The following FGD5 variants were observed in gnomAD, a reference collection of about 807,000 sequenced individuals.
The protein encoded by FGD5 is FYVE, RhoGEF and PH domain containing 5, also known as FYVE, RhoGEF and PH domain-containing protein 5.
A neutral mutation model predicts 133.4 loss-of-function variants in FGD5; 28 were observed. The ratio of observed to expected loss-of-function variants is 0.21; its 90% CI spans 0.16 to 0.29. The LOEUF is 0.29. FGD5 is among the 10% of genes least tolerant of loss of function. FGD5 has a pLI of 1.00. For missense variants in FGD5, 1,858 were observed against 1,895.2 expected (o/e 0.98, Z 0.36); for synonymous variants, 810 against 776.5 (o/e 1.04, Z -0.72).
At chr3:14,830,539 T>C (rs148122806) in intron 1 of FGD5, among the ~76,000 whole-genome samples, 11 of 152,328 alleles carry the variant, frequency 7.2e-5, no homozygotes, top group Admixed American at 2.6e-4. Context: ...TTTACCTTCA[T>C]AAAATCAGGG....
At chr3:14,860,600 G>A (rs2125102061) in intron 1 of FGD5, among the ~76,000 whole-genome samples, 1 of 152,280 alleles carries the variant, frequency 6.6e-6, no homozygotes. Context: ...CATCTGTGAG[G>A]TCTGTGCACC....
intron 4 of FGD5, among the ~76,000 whole-genome samples, chr3:14,883,809 G>T (rs1367242138): frequency 6.6e-6 from 1 of 152,186 alleles, no homozygotes; most frequent in Non-Finnish European, 1.5e-5. Flanking sequence ...CTGTAGTTTT[G>T]TGCAGAATCT....
At chr3:14,905,151 T>C (rs1178750408) in intron 9 of FGD5, among the ~76,000 whole-genome samples, 2 of 152,218 alleles carry the variant, frequency 1.3e-5, no homozygotes, top group African/African-American at 2.4e-5. Flanking sequence ...GAAGATATTT[T>C]TCCTGGGTGT....
intron 9 of FGD5, among the ~76,000 whole-genome samples, chr3:14,901,966 C>T (rs1039048828): frequency 1.3e-5 from 2 of 152,022 alleles, no homozygotes; most frequent in African/African-American, 4.8e-5. Context: ...GGGAGGTGGC[C>T]CTTCCAGCCG....
intron 9 of FGD5, among the ~76,000 whole-genome samples, chr3:14,903,088 A>G (rs995376409): frequency 2.0e-5 from 3 of 152,138 alleles, no homozygotes; most frequent in Admixed American, 6.5e-5. Context: ...GTTTGGAGGT[A>G]TTAAGTACAT....
In FGD5 at chr3:14,820,321, T is replaced by TGGA. The variant is rs2125067849; in HGVS notation, c.1259_1261dup (p.Glu420dup). ...GCAGCCCCTGATGTGGTGGTCGTGC[T>TGGA]GGAGGAGGAGGCCTTGGATGATGCA... is the stretch of plus-strand genomic sequence containing the variant. On this transcript the variant is annotated inframe_insertion, in exon 1 of 20. Transcript: ENST00000285046. 2.5e-6 allele frequency: 4 copies of TGGA among 1,609,626 alleles called. No individual in the cohort carries two copies. The highest frequency in any genetic ancestry group is 1.1e-5 in the South Asian group (1 of 90,472).
At chr3:14,831,853 C>A (rs905614727) in intron 1 of FGD5, among the ~76,000 whole-genome samples, 1 of 152,196 alleles carries the variant, frequency 6.6e-6, no homozygotes, top group African/African-American at 2.4e-5. Flanking sequence ...CAAGACATGA[C>A]AACAGGCTTA....
At position 14,922,476 on chromosome 3, in the gene FGD5, C is replaced by T; in HGVS notation, c.3735C>T (p.Val1245=). 1 of 1,579,618 alleles carries T rather than the reference C, an allele frequency of 6.3e-7. No homozygotes were observed. The highest frequency in any genetic ancestry group is 8.6e-7 in the Non-Finnish European group (1 of 1,162,904). Residue 1245 remains valine (V), a synonymous_variant, in exon 15 of 20, where the codon GTC becomes GTT. Coordinates refer to ENST00000285046, the MANE Select transcript of FGD5 (RefSeq NM_152536.4). The surrounding 1 kb of genome is among the most constrained non-coding windows in gnomAD (Gnocchi z 4.1). ...RPPTLVPVTH[V]MMCMNCGCDF... is the part of the protein sequence containing the mutation. ...CCACCCTGGTGCCTGTCACACACGTCATGATGTGCATGAACTGCGGCTGCG... is the reference window on the plus strand; with the variant it reads ...CCACCCTGGTGCCTGTCACACACGTTATGATGTGCATGAACTGCGGCTGCG...
chr3:14,829,922 C>T (rs925470288), intron 1 of FGD5, among the ~76,000 whole-genome samples: 3 of 152,050 alleles, frequency 2.0e-5, no homozygotes, highest in African/African-American at 7.2e-5. Flanking sequence ...TTTTTACTAC[C>T]GTAGACAGCG....
At chr3:14,821,687 G>A (rs1196782853) in intron 1 of FGD5, 91 bp downstream of exon 1, 4 of 1,433,834 alleles carry the variant, frequency 2.8e-6, no homozygotes, top group South Asian at 1.5e-5. Context: ...TTGCTTTCCA[G>A]CCTCAGGCTC....
intron 1 of FGD5, among the ~76,000 whole-genome samples, chr3:14,829,785 A>G (rs1249998757): frequency 6.6e-6 from 1 of 152,158 alleles, no homozygotes; most frequent in Admixed American, 6.5e-5. Context: ...ATCTAGCGCA[A>G]AATCTAGCAT....
chr3:14,877,404 AAGCCTGTCCTCGAC>A (rs769842404), intron 2 of FGD5, among the ~76,000 whole-genome samples: 1 of 152,006 alleles, frequency 6.6e-6, no homozygotes, highest in Non-Finnish European at 1.5e-5. Flanking sequence ...ACCCTACCAA[AAGCCTGTCCTCGAC>A]AGCTTGGAGA....
chr3:14,905,954 C>T (rs967974808), intron 9 of FGD5, among the ~76,000 whole-genome samples: 1 of 152,104 alleles, frequency 6.6e-6, no homozygotes, highest in South Asian at 2.1e-4. Context: ...TGGCTGTTCA[C>T]GGTAGGGTAC....
Position 14,903,999 on chromosome 3 carries a change from C to T in FGD5, c.3264+2938C>T, listed in dbSNP as rs775663387. On this transcript the variant is annotated intron_variant, in intron 9 of 19. Transcript: ENST00000285046. ...TGGTGGAAATGTCTGGTGTTTTTCT[C>T]ATGATTAGACTGGGTATATGGCTAT... is the stretch of plus-strand genomic sequence containing the variant. 5.2e-4 allele frequency among the ~76,000 whole-genome samples: 79 copies of T among 152,298 alleles called. 1 individual carries two copies. Among genetic ancestry groups the T allele is most frequent in the Admixed American group, 1.0e-3 (16 of 15,308 alleles).
At chr3:14,857,578 G>A (rs975530376) in intron 1 of FGD5, among the ~76,000 whole-genome samples, 3 of 152,152 alleles carry the variant, frequency 2.0e-5, no homozygotes, top group African/African-American at 4.8e-5. Flanking sequence ...TGAGCCCTGG[G>A]CAACCGGGAG....
At position 14,901,150 on chromosome 3, in the gene FGD5, T is replaced by C. The variant is rs577150511; in HGVS notation, c.3264+89T>C. ...GGTCAGCCTTCTGATGCCCCACTCC[T>C]AGGGGCTGCAGGCAACCGTCTCTCT... is the stretch of plus-strand genomic sequence containing the variant. On this transcript the variant is annotated intron_variant, in intron 9 of 19. Transcript: ENST00000285046. The C allele has an allele frequency of 7.3e-6, 10 of 1,362,996 alleles. No homozygotes were observed. In the South Asian group the frequency reaches 1.0e-4, roughly 14 times the overall value. The allele number at this position is 1,362,996 out of a possible 1,614,324, so 84.4% of individuals were successfully genotyped here. A position where few individuals can be genotyped will look rare whatever the true frequency, so the allele number is the denominator to read the frequency against.
intron 6 of FGD5, 106 bp downstream of exon 6, chr3:14,898,201 G>C (rs1247083497): frequency 1.4e-6 from 2 of 1,448,700 alleles, no homozygotes; most frequent in African/African-American, 2.8e-5. Flanking sequence ...GTGGGGCTGG[G>C]GAGCAGACAG....
At chr3:14,841,702 C>T (rs969757538) in intron 1 of FGD5, among the ~76,000 whole-genome samples, 40 of 152,226 alleles carry the variant, frequency 2.6e-4, no homozygotes, top group African/African-American at 9.4e-4. Flanking sequence ...GAGCAGTCTG[C>T]CAGGCTGGGA....
intron 1 of FGD5, among the ~76,000 whole-genome samples, chr3:14,852,001 G>T (rs2037173825): frequency 6.6e-6 from 1 of 151,912 alleles, no homozygotes; most frequent in African/African-American, 2.4e-5. Context: ...CTCCTGGTAG[G>T]AATGTGGAAT....
Sources: gnomAD v4.1 joint callset for allele counts (sites outside exome capture counted in the v4.1 genomes callset) on GRCh38, gnomAD v4.1.1 for gene constraint, Gnocchi (gnomAD v3.1) non-coding constraint, MANE v1.5 for transcripts, NCBI Gene and HGNC (gene_info 2026-07-23, HGNC 2026-07-21) for gene names.